LAMA2: variants seen among roughly 807,000 people sequenced by gnomAD.
The protein encoded by LAMA2 is laminin subunit alpha 2, also known as laminin subunit alpha-2.
A neutral mutation model predicts 364.8 loss-of-function variants in LAMA2; 269 were observed. That is an observed-to-expected ratio of 0.74 (90% CI 0.67 to 0.82). The LOEUF (loss-of-function observed/expected upper bound fraction) is 0.82, where lower values mean the gene tolerates loss of function less well. Ranked by LOEUF, LAMA2 falls within the 40% of genes least tolerant of loss-of-function variation. The probability of loss-of-function intolerance (pLI) is 0.00; values close to 1 mark genes in which losing one functional copy is unlikely to be tolerated. For missense variants in LAMA2, 3,807 were observed against 3,873.2 expected (o/e 0.98, Z 0.45); for synonymous variants, 1,379 against 1,370.6 (o/e 1.01, Z -0.14).
intron 3 of LAMA2, among the ~76,000 whole-genome samples, chr6:129,083,101 C>T (rs972442280): frequency 6.2e-5 from 9 of 145,158 alleles, no homozygotes; most frequent in South Asian, 4.3e-4. Flanking sequence ...CACACACACA[C>T]GTGTACACAC....
At chr6:128,953,159 A>G (rs1474141872) in intron 1 of LAMA2, among the ~76,000 whole-genome samples, 1 of 152,158 alleles carries the variant, frequency 6.6e-6, no homozygotes, top group African/African-American at 2.4e-5. Flanking sequence ...GTATTGCCTG[A>G]TATGTATTTC....
rs767961477 is a variant in LAMA2, at chr6:129,250,222, C to T, written c.1884+9C>T. On this transcript the variant is annotated intron_variant, in intron 13 of 64. Transcript: ENST00000421865. ...TTATGATTATCTTAGAGGTAGAGTACTGAGAGCATGTTCACCCGTGTTACT... is the reference window on the plus strand; with the variant it reads ...TTATGATTATCTTAGAGGTAGAGTATTGAGAGCATGTTCACCCGTGTTACT... 2 of 1,472,010 alleles carry T rather than the reference C, an allele frequency of 1.4e-6. No individual in the cohort carries two copies. The highest frequency in any genetic ancestry group is 2.3e-5 in the South Asian group (2 of 88,030). 91.2% of individuals were successfully genotyped at this position (1,472,010 alleles called of 1,614,324 possible).
intron 1 of LAMA2, among the ~76,000 whole-genome samples, chr6:128,935,263 T>A (rs1033759634): frequency 4.1e-5 from 6 of 145,024 alleles, no homozygotes; most frequent in African/African-American, 1.5e-4. Context: ...CCCCTCCCTG[T>A]GTCCATGTGT....
intron 1 of LAMA2, among the ~76,000 whole-genome samples, chr6:128,995,174 G>C (rs1343229503): frequency 6.6e-6 from 1 of 152,098 alleles, no homozygotes; most frequent in Non-Finnish European, 1.5e-5. Flanking sequence ...TCAACAACCT[G>C]ACTGTTTTCC....
intron 12 of LAMA2, among the ~76,000 whole-genome samples, chr6:129,201,623 A>G (rs1244448346): frequency 6.6e-6 from 1 of 152,190 alleles, no homozygotes; most frequent in Non-Finnish European, 1.5e-5. Flanking sequence ...AAAGAAGTCA[A>G]CTTATTCCAA....
At position 129,133,917 on chromosome 6, in the gene LAMA2, C is replaced by T. The variant is rs556962389; in HGVS notation, c.640-9984C>T. On this transcript the variant is annotated intron_variant, in intron 4 of 64. Transcript: ENST00000421865. Reference sequence around the variant, plus strand: ...ACAATTCAACTTTTCTCTGAAGAACCTTTGAGTCAGAGAATGAGAATGAAG... The same window carrying T: ...ACAATTCAACTTTTCTCTGAAGAACTTTTGAGTCAGAGAATGAGAATGAAG... Among the ~76,000 whole-genome samples the T allele has an allele frequency of 5.3e-5, 8 of 152,184 alleles. No homozygotes were observed. In the South Asian group the frequency reaches 1.0e-3, roughly 20 times the overall value.
chr6:128,962,281 T>A (rs1781584726), intron 1 of LAMA2, among the ~76,000 whole-genome samples: 1 of 150,476 alleles, frequency 6.6e-6, no homozygotes. Context: ...GTGTTCATGG[T>A]CAGGTTTAAC....
At chr6:128,983,385 G>A (rs1562893670) in intron 1 of LAMA2, among the ~76,000 whole-genome samples, 1 of 152,066 alleles carries the variant, frequency 6.6e-6, no homozygotes, top group East Asian at 1.9e-4. Flanking sequence ...ATTTTTTCAT[G>A]TGTTTTTTGG....
intron 1 of LAMA2, among the ~76,000 whole-genome samples, chr6:128,984,024 C>A (rs1210569222): frequency 2.6e-5 from 4 of 152,064 alleles, no homozygotes; most frequent in Non-Finnish European, 4.4e-5. Flanking sequence ...CAATCAGAAC[C>A]TAGTAAACAT....
At chr6:128,898,544 C>T (rs1776901232) in intron 1 of LAMA2, among the ~76,000 whole-genome samples, 1 of 152,356 alleles carries the variant, frequency 6.6e-6, no homozygotes, top group East Asian at 1.9e-4. Flanking sequence ...TAAATATCCA[C>T]ATCTTTTTGT....
intron 12 of LAMA2, among the ~76,000 whole-genome samples, chr6:129,233,953 A>G (rs1440437023): frequency 1.3e-5 from 2 of 152,220 alleles, no homozygotes; most frequent in Non-Finnish European, 2.9e-5. Context: ...ATGTTGTGAG[A>G]CAAATTTTGA....
At chr6:129,259,137 T>C (rs1786929459) in intron 14 of LAMA2, among the ~76,000 whole-genome samples, 1 of 152,090 alleles carries the variant, frequency 6.6e-6, no homozygotes, top group Admixed American at 6.6e-5. Flanking sequence ...CTGTCAAGTG[T>C]CTAGGATTAG....
chr6:129,452,942 T>G, intron 45 of LAMA2, 46 bp from the exon 46 acceptor site: 1 of 1,581,730 alleles, frequency 6.3e-7, no homozygotes, highest in Non-Finnish European at 8.7e-7. Context: ...CTTCAAACTT[T>G]CTGAGAGATT....
At chr6:129,390,491 C>T (rs1435256015) in intron 35 of LAMA2, among the ~76,000 whole-genome samples, 6 of 151,964 alleles carry the variant, frequency 3.9e-5, no homozygotes, top group African/African-American at 1.5e-4. Flanking sequence ...AGGAGATCTT[C>T]GGATACACCC....
intron 1 of LAMA2, among the ~76,000 whole-genome samples, chr6:128,960,190 C>A (rs1781391680): frequency 6.6e-6 from 1 of 152,032 alleles, no homozygotes; most frequent in South Asian, 2.1e-4. Context: ...GAAATTCATA[C>A]ACCTAACTTA....
At chr6:129,054,838 G>T (rs1476633954) in intron 2 of LAMA2, among the ~76,000 whole-genome samples, 1 of 150,486 alleles carries the variant, frequency 6.6e-6, no homozygotes, top group Non-Finnish European at 1.5e-5. Context: ...TGGGATGGAG[G>T]AATGATGCAA....
At chr6:128,984,838 T>C (rs2114646547) in intron 1 of LAMA2, among the ~76,000 whole-genome samples, 1 of 152,284 alleles carries the variant, frequency 6.6e-6, no homozygotes, top group South Asian at 2.1e-4. Flanking sequence ...CAAAACAACA[T>C]AAATTCCATG....
intron 1 of LAMA2, among the ~76,000 whole-genome samples, chr6:128,945,555 T>C (rs1441342854): frequency 1.3e-5 from 2 of 152,278 alleles, no homozygotes; most frequent in Admixed American, 6.5e-5. Context: ...ACCAGATTAA[T>C]TTTCACAGAA....
At position 128,909,837 on chromosome 6, in the gene LAMA2, G is replaced by A. The variant is rs531482478; in HGVS notation, c.112+26480G>A. Among the ~76,000 whole-genome samples the A allele has an allele frequency of 5.9e-5, 9 of 151,850 alleles. No individual in the cohort carries two copies. In the South Asian group the frequency reaches 1.9e-3, roughly 32 times the overall value. On this transcript the variant is annotated intron_variant, in intron 1 of 64. Transcript: ENST00000421865. ...GCTCTTTTAGGGCAGGCCTGGTGGT[G>A]ACAAAATCTCTCAGCATTTGCTTGT...
Sources: allele counts gnomAD v4.1 joint callset (sites outside exome capture counted in the v4.1 genomes callset), GRCh38; gene constraint gnomAD v4.1.1; transcripts MANE v1.5; gene names NCBI Gene and HGNC (gene_info 2026-07-23, HGNC 2026-07-21).